GALNT10: variants seen among roughly 807,000 people sequenced by gnomAD.
GALNT10 encodes the protein polypeptide N-acetylgalactosaminyltransferase 10.
In GALNT10, 41 loss-of-function variants were observed where a neutral mutation model predicts 75.0. The ratio of observed to expected loss-of-function variants is 0.55; its 90% CI spans 0.43 to 0.71. The LOEUF (loss-of-function observed/expected upper bound fraction) is 0.71, where lower values mean the gene tolerates loss of function less well. Ranked by LOEUF, GALNT10 falls within the 30% of genes least tolerant of loss-of-function variation. The pLI, the probability that GALNT10 is intolerant of heterozygous loss-of-function variation, is 0.00. For synonymous variants in GALNT10, 302 were observed against 313.0 expected, an observed-to-expected ratio of 0.96 and a Z score of 0.37; for missense variants, 727 against 818.5, an observed-to-expected ratio of 0.89 and a Z score of 1.36.
intron 4 of GALNT10, among the ~76,000 whole-genome samples, chr5:154,347,666 A>G (rs924547439): frequency 2.0e-5 from 3 of 152,174 alleles, no homozygotes; most frequent in African/African-American, 4.8e-5. Flanking sequence ...CACCCAGTCT[A>G]CTTCTAAGGA....
chr5:154,345,284 C>T (rs913786988), intron 4 of GALNT10, among the ~76,000 whole-genome samples: 6 of 152,040 alleles, frequency 3.9e-5, no homozygotes, highest in Admixed American at 3.3e-4. Context: ...CATCACCTCC[C>T]ATAGCTACCT....
intron 3 of GALNT10, among the ~76,000 whole-genome samples, chr5:154,307,047 A>G (rs577015918): frequency 6.6e-6 from 1 of 152,352 alleles, no homozygotes; most frequent in African/African-American, 2.4e-5. Flanking sequence ...AATATCAGGA[A>G]TGAGAGAGAT....
intron 1 of GALNT10, among the ~76,000 whole-genome samples, chr5:154,246,058 GTTTT>G (rs1305551755): frequency 6.7e-6 from 1 of 148,532 alleles, no homozygotes; most frequent in Non-Finnish European, 1.5e-5. Flanking sequence ...AACATGCGGT[GTTTT>G]TTTTTTTGTC....
chr5:154,357,872 C>A (rs1370080673), intron 4 of GALNT10, among the ~76,000 whole-genome samples: 2 of 152,128 alleles, frequency 1.3e-5, no homozygotes, highest in Non-Finnish European at 2.9e-5. Flanking sequence ...ATTTGACTTA[C>A]CCAAGGCTCA....
intron 4 of GALNT10, among the ~76,000 whole-genome samples, chr5:154,331,656 G>A (rs1581977636): frequency 6.6e-6 from 1 of 152,198 alleles, no homozygotes; most frequent in Non-Finnish European, 1.5e-5. Context: ...CTTATGGTTG[G>A]TGTGCAGGAA....
In GALNT10 at chr5:154,244,286, G is replaced by A. The variant is rs972029508; in HGVS notation, c.160-50530G>A. On this transcript the variant is annotated intron_variant, in intron 1 of 11. Transcript: ENST00000297107. ...ATAATATTAAGAATTATTTCAGGAG[G>A]CTGGGTGTAGTGGCTCATGCCTGTA... 2.0e-5 allele frequency among the ~76,000 whole-genome samples: 3 copies of A among 152,160 alleles called. No individual in the cohort carries two copies. In the East Asian group the frequency reaches 5.8e-4, roughly 29 times the overall value.
At chr5:154,362,909 T>C (rs1163209944) in intron 4 of GALNT10, among the ~76,000 whole-genome samples, 1 of 152,136 alleles carries the variant, frequency 6.6e-6, no homozygotes. Context: ...GCAGAGAGCA[T>C]GGTGTCAGGG....
chr5:154,377,703 CA>C (rs1755678897), intron 5 of GALNT10, among the ~76,000 whole-genome samples: 2 of 152,162 alleles, frequency 1.3e-5, no homozygotes, highest in African/African-American at 2.4e-5. Flanking sequence ...CACAGATCAG[CA>C]AGGAACTTTC....
intron 3 of GALNT10, among the ~76,000 whole-genome samples, chr5:154,321,974 A>G (rs960303462): frequency 2.0e-5 from 3 of 152,210 alleles, no homozygotes; most frequent in African/African-American, 7.2e-5. Context: ...CACCCTGGGC[A>G]AAAGGGTATC....
chr5:154,261,146 A>C (rs1184942747), intron 1 of GALNT10, among the ~76,000 whole-genome samples: 1 of 152,224 alleles, frequency 6.6e-6, no homozygotes, highest in African/African-American at 2.4e-5. Context: ...AAGATTTCTG[A>C]CACTGTTAAT....
At chr5:154,283,932 G>A (rs950498836) in intron 1 of GALNT10, among the ~76,000 whole-genome samples, 16 of 152,202 alleles carry the variant, frequency 1.1e-4, no homozygotes, top group Admixed American at 3.9e-4. Flanking sequence ...GCTGCTTGGA[G>A]CACAGTGTTG....
At position 154,376,320 on chromosome 5, in the gene GALNT10, C is replaced by T; in HGVS notation, c.612C>T (p.Pro204=). Reference sequence around the variant, plus strand: ...TTGAAGACTACATGGCCCTTTTCCCCAGTGTGAGGATTCTTCGAACCAAGA... The same window carrying T: ...TTGAAGACTACATGGCCCTTTTCCCTAGTGTGAGGATTCTTCGAACCAAGA... The part of the protein sequence containing the change: ...KPLEDYMALF[P]SVRILRTKKR... The change falls in exon 5 of 12, where the codon CCC becomes CCT. Residue 204 remains proline (P), a synonymous_variant. Transcript: ENST00000297107. This position sits in a 1 kb window ranked among gnomAD's most constrained non-coding sequence, Gnocchi z 4.1. 1 of 1,612,606 alleles carries T rather than the reference C, an allele frequency of 6.2e-7. No homozygotes were observed. Among genetic ancestry groups the T allele is most frequent in the Non-Finnish European group, 8.5e-7 (1 of 1,179,116 alleles).
Position 154,233,631 on chromosome 5 carries a change from C to G in GALNT10, c.159+42606C>G, listed in dbSNP as rs556216795. On this transcript the variant is annotated intron_variant, in intron 1 of 11. Transcript: ENST00000297107. ...TTCAGAGCACCCCCCACCAGCCGCC[C>G]ACCATGGTCTCTGTACCCCAGCCCT... is the stretch of plus-strand genomic sequence containing the variant. 3.9e-5 allele frequency among the ~76,000 whole-genome samples: 6 copies of G among 152,304 alleles called. No homozygotes were observed. The East Asian group carries it at 1.2e-3, about 29-fold the overall frequency.
chr5:154,404,264 G>A (rs746769020), intron 8 of GALNT10, 53 bp downstream of exon 8: 4 of 1,085,732 alleles, frequency 3.7e-6, no homozygotes, highest in East Asian at 5.0e-5. Flanking sequence ...AGGACCATCA[G>A]CTGCACTGAG....
At chr5:154,361,448 A>ATGCC (rs1366990688) in intron 4 of GALNT10, among the ~76,000 whole-genome samples, 9 of 152,358 alleles carry the variant, frequency 5.9e-5, no homozygotes, top group African/African-American at 2.2e-4. Flanking sequence ...TGCTTAGCAC[A>ATGCC]TGCCTGGTGC....
intron 3 of GALNT10, among the ~76,000 whole-genome samples, chr5:154,323,503 G>A (rs1437136578): frequency 6.6e-6 from 1 of 152,216 alleles, no homozygotes; most frequent in Non-Finnish European, 1.5e-5. Flanking sequence ...CTACAGCTGG[G>A]GAAGGAGGGG....
intron 1 of GALNT10, among the ~76,000 whole-genome samples, chr5:154,201,671 C>T (rs1251290957): frequency 2.0e-5 from 3 of 152,112 alleles, no homozygotes; most frequent in South Asian, 2.1e-4. Flanking sequence ...TGGCTCTCAC[C>T]TGTAATCCCA....
At chr5:154,331,319 C>T (rs889590009) in intron 4 of GALNT10, among the ~76,000 whole-genome samples, 17 of 152,126 alleles carry the variant, frequency 1.1e-4, no homozygotes, top group African/African-American at 3.9e-4. Context: ...GTCCACAAAG[C>T]GAGGCCTATG....
At chr5:154,375,842 G>A (rs186756510) in intron 4 of GALNT10, among the ~76,000 whole-genome samples, 19 of 152,328 alleles carry the variant, frequency 1.2e-4, no homozygotes, top group African/African-American at 3.6e-4. Flanking sequence ...GTGGCCAAGG[G>A]AATGGAATGC....
Sources: allele counts gnomAD v4.1 joint callset (sites outside exome capture counted in the v4.1 genomes callset), GRCh38; gene constraint gnomAD v4.1.1; non-coding constraint Gnocchi (gnomAD v3.1); transcripts MANE v1.5; gene names NCBI Gene and HGNC (gene_info 2026-07-23, HGNC 2026-07-21).